The following SH3GL2 variants were observed in gnomAD, a reference collection of about 807,000 sequenced individuals.
SH3GL2 encodes the protein endophilin-A1.
A neutral mutation model predicts 46.0 loss-of-function variants in SH3GL2; 24 were observed. The ratio of observed to expected loss-of-function variants is 0.52; its 90% CI spans 0.38 to 0.73. SH3GL2 has a LOEUF of 0.73. Ranked by LOEUF, SH3GL2 falls within the 30% of genes least tolerant of loss-of-function variation. The probability of loss-of-function intolerance (pLI) is 0.00; values close to 1 mark genes in which losing one functional copy is unlikely to be tolerated. For missense variants in SH3GL2, 413 were observed against 424.2 expected, an observed-to-expected ratio of 0.97 and a Z score of 0.23; for synonymous variants, 196 against 147.1, an observed-to-expected ratio of 1.33 and a Z score of -2.40.
chr9:17,615,093 G>A (rs1191765853), intron 1 of SH3GL2, among the ~76,000 whole-genome samples: 1 of 152,102 alleles, frequency 6.6e-6, no homozygotes, highest in African/African-American at 2.4e-5. Context: ...GCTGTGTGCT[G>A]CCTACTCCCA....
chr9:17,600,899 AG>A (rs1345162950), intron 1 of SH3GL2, among the ~76,000 whole-genome samples: 5 of 152,192 alleles, frequency 3.3e-5, no homozygotes, highest in Non-Finnish European at 5.9e-5. Flanking sequence ...TAGAGTTTAG[AG>A]TTTAGAATAT....
chr9:17,637,983 C>T (rs577269282), intron 1 of SH3GL2, among the ~76,000 whole-genome samples: 9 of 152,022 alleles, frequency 5.9e-5, no homozygotes, highest in Admixed American at 2.6e-4. Flanking sequence ...AGTGAAACCC[C>T]GTCTCTACTA....
At chr9:17,737,334 C>T (rs1334617943) in intron 1 of SH3GL2, among the ~76,000 whole-genome samples, 1 of 151,230 alleles carries the variant, frequency 6.6e-6, no homozygotes, top group Non-Finnish European at 1.5e-5. Context: ...ACATGTATCC[C>T]AGAACTTAAA....
chr9:17,670,204 C>T (rs1258848546), intron 1 of SH3GL2, among the ~76,000 whole-genome samples: 1 of 152,184 alleles, frequency 6.6e-6, no homozygotes, highest in Admixed American at 6.5e-5. Context: ...TGCCTGGCCC[C>T]AGCTAGCCCT....
At chr9:17,768,493 A>C (rs1389518168) in intron 3 of SH3GL2, among the ~76,000 whole-genome samples, 3 of 152,102 alleles carry the variant, frequency 2.0e-5, no homozygotes, top group Non-Finnish European at 4.4e-5. Flanking sequence ...ATAGTCCCTA[A>C]ATACTATAAA....
At position 17,795,568 on chromosome 9, in the gene SH3GL2, G is replaced by C; in HGVS notation, c.884G>C (p.Cys295Ser). The C allele has an allele frequency of 5.0e-6, 8 of 1,614,010 alleles. No homozygotes were observed. Among genetic ancestry groups the C allele is most frequent in the Non-Finnish European group, 5.9e-6 (7 of 1,179,910 alleles). Residue 295 changes from cysteine to serine, a missense_variant, in exon 9 of 9, where the codon TGC becomes TCC. Coordinates refer to ENST00000380607, the MANE Select transcript of SH3GL2 (RefSeq NM_003026.5). ...GGTGTCCAAATGGATCAGCCCTGCTGCCGAGCTCTGTACGACTTTGAACCT... is the reference window on the plus strand; with the variant it reads ...GGTGTCCAAATGGATCAGCCCTGCTCCCGAGCTCTGTACGACTTTGAACCT... ...PSGVQMDQPC[C>S]RALYDFEPEN... is the part of the protein sequence containing the mutation.
chr9:17,641,859 GT>G (rs1277937656), intron 1 of SH3GL2, among the ~76,000 whole-genome samples: 11 of 152,128 alleles, frequency 7.2e-5, no homozygotes. Context: ...ATTTGGGTTG[GT>G]TCCAAGTCTT....
intron 1 of SH3GL2, among the ~76,000 whole-genome samples, chr9:17,743,170 T>C (rs962428352): frequency 6.6e-6 from 1 of 152,172 alleles, no homozygotes; most frequent in Non-Finnish European, 1.5e-5. Flanking sequence ...TAATAACATT[T>C]AAAGAAAAGG....
intron 1 of SH3GL2, among the ~76,000 whole-genome samples, chr9:17,662,666 C>G (rs139031018): frequency 1.2e-3 from 180 of 149,218 alleles, no homozygotes; most frequent in African/African-American, 3.8e-3. Flanking sequence ...TGCAGCAGCA[C>G]ATGTAAAAAT....
At chr9:17,745,480 G>A (rs1822656643) in intron 1 of SH3GL2, among the ~76,000 whole-genome samples, 1 of 151,988 alleles carries the variant, frequency 6.6e-6, no homozygotes, top group Non-Finnish European at 1.5e-5. Flanking sequence ...AGGAATGGAG[G>A]GGTCAGTCCA....
At chr9:17,584,461 C>G (rs949515498) in intron 1 of SH3GL2, among the ~76,000 whole-genome samples, 2 of 152,088 alleles carry the variant, frequency 1.3e-5, no homozygotes, top group African/African-American at 4.8e-5. Context: ...CAAGATGGTG[C>G]CACTGCACTC....
At chr9:17,625,545 A>G (rs192992153) in intron 1 of SH3GL2, among the ~76,000 whole-genome samples, 114 of 152,324 alleles carry the variant, frequency 7.5e-4, no homozygotes, top group Non-Finnish European at 1.3e-3. Flanking sequence ...GATCAATTCT[A>G]TTTTACAGAC....
intron 1 of SH3GL2, among the ~76,000 whole-genome samples, chr9:17,708,411 T>G (rs556414869): frequency 8.5e-5 from 13 of 152,070 alleles, no homozygotes; most frequent in East Asian, 3.9e-4. Context: ...AACTCTACTT[T>G]GCGTAATTTA....
At chr9:17,612,503 C>G (rs1170195760) in intron 1 of SH3GL2, among the ~76,000 whole-genome samples, 4 of 152,080 alleles carry the variant, frequency 2.6e-5, no homozygotes, top group Non-Finnish European at 5.9e-5. Context: ...CAAAATGCAG[C>G]TCTATTGAAA....
intron 1 of SH3GL2, among the ~76,000 whole-genome samples, chr9:17,603,662 A>G (rs1248306212): frequency 1.3e-5 from 2 of 152,124 alleles, no homozygotes; most frequent in Non-Finnish European, 2.9e-5. Context: ...GGGGTTCGAG[A>G]CCAGCCTGGC....
At chr9:17,699,853 A>G (rs28691639) in intron 1 of SH3GL2, among the ~76,000 whole-genome samples, 1,916 of 152,326 alleles carry the variant, frequency 0.013, 58 homozygotes, top group African/African-American at 0.043. Flanking sequence ...GTCACGTTGA[A>G]CACTTTACAT....
At chr9:17,614,295 G>GAAAAAAAA (rs3084628) in intron 1 of SH3GL2, among the ~76,000 whole-genome samples, 866 of 70,206 alleles carry the variant, frequency 0.012, 105 homozygotes, top group Middle Eastern at 0.021. Context: ...CATGGTTTCT[G>GAAAAAAAA]AAAAAAAAAA....
intron 7 of SH3GL2, 98 bp from the exon 8 acceptor site, chr9:17,793,269 G>T: frequency 9.5e-7 from 1 of 1,054,620 alleles, no homozygotes; most frequent in Non-Finnish European, 1.4e-6. Flanking sequence ...TGGTAGCATG[G>T]TGGGTGACCC....
chr9:17,620,438 C>G (rs1819111118), intron 1 of SH3GL2, among the ~76,000 whole-genome samples: 1 of 152,154 alleles, frequency 6.6e-6, no homozygotes, highest in Non-Finnish European at 1.5e-5. Flanking sequence ...CCCAACAACC[C>G]TATGAGGTAG....
Sources: gnomAD v4.1 joint callset for allele counts (sites outside exome capture counted in the v4.1 genomes callset) on GRCh38, gnomAD v4.1.1 for gene constraint, MANE v1.5 for transcripts, NCBI Gene and HGNC (gene_info 2026-07-23, HGNC 2026-07-21) for gene names.